Variants in ATOSA observed in about 807,000 individuals in gnomAD.
ATOSA encodes the protein atos homolog protein A.
chr15:52,585,026 A>C, the ATOSA span: 1 of 1,207,288 alleles, frequency 8.3e-7, no homozygotes, highest in African/African-American at 1.5e-5. Flanking sequence ...ATAATCAAAC[A>C]AGATTTTAAA....
At chr15:52,590,110 G>T in the ATOSA span, among the ~76,000 whole-genome samples, 1 of 152,122 alleles carries the variant, frequency 6.6e-6, no homozygotes, top group African/African-American at 2.4e-5. Flanking sequence ...TTTTAAAATG[G>T]AATAGTAGGG....
At chr15:52,605,326 C>T in the ATOSA span, 1 of 1,004,222 alleles carries the variant, frequency 1.0e-6, no homozygotes, top group East Asian at 2.6e-5. Flanking sequence ...TGTTTTTAGA[C>T]TCATTCCTAA....
the ATOSA span, among the ~76,000 whole-genome samples, chr15:52,640,571 C>CAAAAAAAAAAA: frequency 4.0e-4 from 11 of 27,570 alleles, 4 homozygotes; most frequent in East Asian, 6.6e-3. Context: ...ACTCAAGTCT[C>CAAAAAAAAAAA]AAAAAAAAAA....
the ATOSA span, among the ~76,000 whole-genome samples, chr15:52,627,452 T>C: frequency 6.6e-6 from 1 of 152,166 alleles, no homozygotes; most frequent in African/African-American, 2.4e-5. Flanking sequence ...GCTTGACACA[T>C]AGCAAGTACT....
chr15:52,610,135 C>A, the ATOSA span: 1 of 1,613,968 alleles, frequency 6.2e-7, no homozygotes, highest in Non-Finnish European at 8.5e-7. Flanking sequence ...ACTGTTTGTA[C>A]CACATTGTTC....
the ATOSA span, among the ~76,000 whole-genome samples, chr15:52,626,529 G>GAAAAAA: frequency 4.9e-5 from 7 of 141,668 alleles, no homozygotes; most frequent in South Asian, 4.5e-4. Flanking sequence ...AGGGAAAGCT[G>GAAAAAA]AAAAAAAAAA....
chr15:52,585,670 G>C, the ATOSA span, among the ~76,000 whole-genome samples: 2 of 152,072 alleles, frequency 1.3e-5, no homozygotes, highest in African/African-American at 4.8e-5. Flanking sequence ...ATGTATCCTG[G>C]TAAAGACTGA....
the ATOSA span, among the ~76,000 whole-genome samples, chr15:52,620,414 A>C: frequency 5.3e-5 from 8 of 152,208 alleles, no homozygotes; most frequent in Non-Finnish European, 1.2e-4. Context: ...CAGCTGAAGC[A>C]CTACTCATTA....
chr15:52,615,129 T>C, the ATOSA span, among the ~76,000 whole-genome samples: 2 of 152,190 alleles, frequency 1.3e-5, no homozygotes, highest in Non-Finnish European at 1.5e-5. Flanking sequence ...TAACAATTTC[T>C]AAGGAAGAAA....
At chr15:52,650,566 T>A in the ATOSA span, among the ~76,000 whole-genome samples, 1 of 152,228 alleles carries the variant, frequency 6.6e-6, no homozygotes, top group Non-Finnish European at 1.5e-5. Context: ...GATAATATTT[T>A]GAGTTCTCTT....
chr15:52,626,666 C>T, the ATOSA span, among the ~76,000 whole-genome samples: 2 of 151,990 alleles, frequency 1.3e-5, no homozygotes, highest in Non-Finnish European at 2.9e-5. Context: ...TACACAGCAA[C>T]ATAATGGTAA....
At chr15:52,656,331 C>A in the ATOSA span, 3 of 152,026 alleles carry the variant, frequency 2.0e-5, no homozygotes, top group African/African-American at 7.2e-5. Flanking sequence ...TTAAGCCATA[C>A]ATTATATTGA....
chr15:52,623,725 T>C, the ATOSA span, among the ~76,000 whole-genome samples: 1 of 152,136 alleles, frequency 6.6e-6, no homozygotes, highest in Admixed American at 6.5e-5. Flanking sequence ...GTGAGCTCAG[T>C]AGATGGTGAT....
At chr15:52,671,495 C>T in the ATOSA span, among the ~76,000 whole-genome samples, 4 of 152,250 alleles carry the variant, frequency 2.6e-5, no homozygotes, top group Non-Finnish European at 5.9e-5. Context: ...AGACTGCCTA[C>T]TAAATGATGG....
At chr15:52,596,135 T>A in the ATOSA span, among the ~76,000 whole-genome samples, 1 of 151,776 alleles carries the variant, frequency 6.6e-6, no homozygotes, top group Non-Finnish European at 1.5e-5. Flanking sequence ...AAAAAAGATG[T>A]CCAAGATATG....
chr15:52,641,797 G>T, the ATOSA span, among the ~76,000 whole-genome samples: 2 of 152,184 alleles, frequency 1.3e-5, no homozygotes, highest in African/African-American at 4.8e-5. Context: ...CCACAAAGTA[G>T]TTTCATATTG....
the ATOSA span, among the ~76,000 whole-genome samples, chr15:52,691,926 G>A: frequency 1.3e-4 from 19 of 151,660 alleles, no homozygotes; most frequent in African/African-American, 4.4e-4. Flanking sequence ...GCCCAGAAGA[G>A]TTTGAGAAAG....
At chr15:52,661,314 A>C in the ATOSA span, among the ~76,000 whole-genome samples, 1 of 152,214 alleles carries the variant, frequency 6.6e-6, no homozygotes, top group Non-Finnish European at 1.5e-5. Context: ...TTTCCTGATA[A>C]AAGCCAGATG....
chr15:52,648,752 T>A, the ATOSA span: 1 of 152,262 alleles, frequency 6.6e-6, no homozygotes, highest in East Asian at 1.9e-4. Context: ...AGGAAGCTTA[T>A]AGCAAAATCT....
Sources: allele counts gnomAD v4.1 joint callset (sites outside exome capture counted in the v4.1 genomes callset), GRCh38; gene constraint gnomAD v4.1.1; transcripts MANE v1.5; gene names NCBI Gene and HGNC (gene_info 2026-07-23, HGNC 2026-07-21).